The following ACOT13 variants were observed in gnomAD, a reference collection of about 807,000 sequenced individuals.
The protein encoded by ACOT13 is acyl-coenzyme A thioesterase 13.
A neutral mutation model predicts 11.8 loss-of-function variants in ACOT13; 10 were observed. The ratio of observed to expected loss-of-function variants is 0.85; its 90% CI spans 0.53 to 1.44. ACOT13 has a LOEUF of 1.44. Among genes scored for constraint, ACOT13 ranks in the 40% most tolerant of loss-of-function variants. ACOT13 has a pLI of 0.00. For synonymous variants in ACOT13, 53 were observed against 61.0 expected (o/e 0.87, Z 0.61); for missense variants, 172 against 174.1 (o/e 0.99, Z 0.07).
intron 1 of ACOT13, 80 bp downstream of exon 1, chr6:24,667,424 GAAT>G: frequency 7.7e-7 from 1 of 1,290,988 alleles, no homozygotes; most frequent in Non-Finnish European, 1.1e-6. Context: ...TGTGAGCTTT[GAAT>G]AATTATCTCT....
intron 1 of ACOT13, among the ~76,000 whole-genome samples, chr6:24,683,171 C>T (rs1778580362): frequency 6.6e-6 from 1 of 152,210 alleles, no homozygotes; most frequent in Non-Finnish European, 1.5e-5. Flanking sequence ...TCAGGGGCAC[C>T]TCCACTCAGA....
At chr6:24,671,039 T>G (rs995952513) in intron 1 of ACOT13, among the ~76,000 whole-genome samples, 3 of 152,168 alleles carry the variant, frequency 2.0e-5, no homozygotes, top group Non-Finnish European at 4.4e-5. Context: ...TCAACCATTG[T>G]GGAAGACACT....
intron 1 of ACOT13, among the ~76,000 whole-genome samples, chr6:24,696,459 T>A (rs1778795076): frequency 6.6e-6 from 1 of 152,250 alleles, no homozygotes; most frequent in South Asian, 2.1e-4. Context: ...GTAAAGTGCT[T>A]GGCACAGTGC....
At chr6:24,679,931 G>C (rs1778519819) in intron 1 of ACOT13, among the ~76,000 whole-genome samples, 1 of 152,206 alleles carries the variant, frequency 6.6e-6, no homozygotes, top group African/African-American at 2.4e-5. Flanking sequence ...CTCTGGCTGG[G>C]CCGAATTCTG....
intron 1 of ACOT13, among the ~76,000 whole-genome samples, chr6:24,688,128 A>G (rs1778663164): frequency 1.3e-5 from 2 of 152,204 alleles, no homozygotes; most frequent in South Asian, 2.1e-4. Context: ...GATATTTTCA[A>G]GTTCATTGGT....
At chr6:24,676,430 G>C (rs1294099865) in intron 1 of ACOT13, among the ~76,000 whole-genome samples, 1 of 152,010 alleles carries the variant, frequency 6.6e-6, no homozygotes, top group Non-Finnish European at 1.5e-5. Context: ...TCTCCTTGAA[G>C]AGGTCCTTCA....
At chr6:24,696,974 C>T (rs1377795455) in intron 1 of ACOT13, among the ~76,000 whole-genome samples, 1 of 152,144 alleles carries the variant, frequency 6.6e-6, no homozygotes, top group African/African-American at 2.4e-5. Flanking sequence ...CTGGGTTTCA[C>T]CATGTTGGTA....
At chr6:24,674,267 C>A (rs1198939600) in intron 1 of ACOT13, among the ~76,000 whole-genome samples, 2 of 152,146 alleles carry the variant, frequency 1.3e-5, no homozygotes, top group Non-Finnish European at 1.5e-5. Flanking sequence ...CCATGTTGAT[C>A]AAGCTGGTCT....
chr6:24,679,825 C>T (rs1778518077), intron 1 of ACOT13, among the ~76,000 whole-genome samples: 1 of 152,158 alleles, frequency 6.6e-6, no homozygotes, highest in African/African-American at 2.4e-5. Context: ...TGTCCTAACC[C>T]TTATAAAACT....
intron 1 of ACOT13, among the ~76,000 whole-genome samples, chr6:24,672,675 T>C (rs1413092623): frequency 6.6e-6 from 1 of 152,032 alleles, no homozygotes; most frequent in Non-Finnish European, 1.5e-5. Context: ...ATAACTTCCA[T>C]AAGCCTTTAT....
intron 1 of ACOT13, among the ~76,000 whole-genome samples, chr6:24,694,907 A>C (rs1243595469): frequency 6.6e-6 from 1 of 152,244 alleles, no homozygotes; most frequent in Non-Finnish European, 1.5e-5. Context: ...AGTATTCTGT[A>C]CTAGAAAAAT....
chr6:24,689,322 A>G (rs148784385), intron 1 of ACOT13, among the ~76,000 whole-genome samples: 51 of 152,334 alleles, frequency 3.3e-4, no homozygotes, highest in African/African-American at 1.2e-3. Flanking sequence ...ATAGTAGGGA[A>G]TACCACACAG....
At chr6:24,693,726 C>CTT (rs879806313) in intron 1 of ACOT13, among the ~76,000 whole-genome samples, 28 of 140,298 alleles carry the variant, frequency 2.0e-4, no homozygotes, top group African/African-American at 4.7e-4. Context: ...CAACCTGAGT[C>CTT]TTTTTTTTTT....
chr6:24,697,769 T>A (rs1778818463), intron 1 of ACOT13, 114 bp from the exon 2 acceptor site: 6 of 808,774 alleles, frequency 7.4e-6, no homozygotes, highest in Non-Finnish European at 9.1e-6. Context: ...TTTACTTGAA[T>A]TTCTGAGTCA....
At chr6:24,682,052 T>G (rs2127623983) in intron 1 of ACOT13, among the ~76,000 whole-genome samples, 1 of 152,270 alleles carries the variant, frequency 6.6e-6, no homozygotes, top group Non-Finnish European at 1.5e-5. Context: ...AAATTGAAAG[T>G]GGAAGCTGGC....
chr6:24,704,921 CTTTTT>C lies in ACOT13; in HGVS notation c.*3309_*3313del, dbSNP rs532472016. 2 of 151,750 alleles carry C rather than the reference CTTTTT, an allele frequency of 1.3e-5. No individual in the cohort carries two copies. Among genetic ancestry groups the C allele is most frequent in the Non-Finnish European group, 3.0e-5 (2 of 67,792 alleles). The allele number at this position is 151,750 out of a possible 1,614,324, so 9.4% of individuals were successfully genotyped here. ...CCTATTTTATTTAGGTTTTCTTTTT[CTTTTT>C]TTCTTTTTTTTTCAAATTCCAACCA... is the stretch of plus-strand genomic sequence containing the variant. On this transcript the variant is annotated 3_prime_UTR_variant, in exon 3 of 3. Transcript: ENST00000230048.
intron 2 of ACOT13, among the ~76,000 whole-genome samples, chr6:24,699,273 A>C (rs945958688): frequency 7.0e-6 from 1 of 142,734 alleles, no homozygotes; most frequent in Non-Finnish European, 1.5e-5. Flanking sequence ...GCAGTGGTGC[A>C]GTCTCGGCTC....
chr6:24,695,409 C>T (rs926643025), intron 1 of ACOT13, among the ~76,000 whole-genome samples: 2 of 152,198 alleles, frequency 1.3e-5, no homozygotes, highest in Non-Finnish European at 2.9e-5. Context: ...TTTCCCTTAT[C>T]TTCACCTGGA....
At chr6:24,672,521 C>G (rs546327304) in intron 1 of ACOT13, among the ~76,000 whole-genome samples, 84 of 152,262 alleles carry the variant, frequency 5.5e-4, no homozygotes, top group African/African-American at 1.9e-3. Flanking sequence ...CGTCTGTAGT[C>G]CCAGCTACTC....
Sources: gnomAD v4.1 joint callset for allele counts (sites outside exome capture counted in the v4.1 genomes callset) on GRCh38, gnomAD v4.1.1 for gene constraint, MANE v1.5 for transcripts, NCBI Gene and HGNC (gene_info 2026-07-23, HGNC 2026-07-21) for gene names.